The following SLC22A8 variants were observed in gnomAD, a reference collection of about 807,000 sequenced individuals.
The protein encoded by SLC22A8 is solute carrier family 22 member 8.
A neutral mutation model predicts 48.4 loss-of-function variants in SLC22A8; 40 were observed. The ratio of observed to expected loss-of-function variants is 0.83; its 90% CI spans 0.64 to 1.08. The LOEUF (loss-of-function observed/expected upper bound fraction) is 1.08, where lower values mean the gene tolerates loss of function less well. SLC22A8 is among the 50% of genes least tolerant of loss of function. SLC22A8 has a pLI of 0.00. For missense variants in SLC22A8, 606 were observed against 699.0 expected, an observed-to-expected ratio of 0.87 and a Z score of 1.50; for synonymous variants, 268 against 286.3, an observed-to-expected ratio of 0.94 and a Z score of 0.65.
chr11:63,007,299 G>T (rs1366161729), intron 2 of SLC22A8, among the ~76,000 whole-genome samples: 1 of 152,036 alleles, frequency 6.6e-6, no homozygotes. Context: ...TCAACTTTTG[G>T]CAATTCCACA....
chr11:63,000,684 G>C, intron 3 of SLC22A8, 36 bp downstream of exon 3: 1 of 1,455,028 alleles, frequency 6.9e-7, no homozygotes, highest in Non-Finnish European at 9.7e-7. Flanking sequence ...TGTCCCCATG[G>C]GTCATGCTTC....
intron 2 of SLC22A8, 152 bp from the exon 3 acceptor site, chr11:63,000,975 C>G: frequency 1.6e-6 from 1 of 627,282 alleles, no homozygotes; most frequent in Non-Finnish European, 2.9e-6. Flanking sequence ...CAGCCCGGCT[C>G]GGAGCTCCTT....
chr11:62,998,203 T>C (rs2086446428), intron 5 of SLC22A8, among the ~76,000 whole-genome samples: 1 of 152,078 alleles, frequency 6.6e-6, no homozygotes, highest in Non-Finnish European at 1.5e-5. Flanking sequence ...CTCCCTGCCT[T>C]GGCCTCCCAA....
rs1413820265 is a variant in SLC22A8, at chr11:62,993,325, G to A, written c.1541C>T (p.Ala514Val). 7 of 1,613,834 alleles carry A rather than the reference G, an allele frequency of 4.3e-6. No individual in the cohort carries two copies. Among genetic ancestry groups the A allele is most frequent in the African/African-American group, 1.3e-5 (1 of 74,910 alleles). Residue 514 changes from alanine (A) to valine (V), a missense_variant, in exon 11 of 11, where the codon GCA becomes GTA. By Grantham distance (64) the Ala-to-Val change is moderately conservative (BLOSUM62 0). Transcript: ENST00000336232. ...IEDLENWSLR[A>V]KKPKQEPEVE... ...CTCTGGCTCCTGCTTTGGCTTCTTTGCCCGCAGGGACCTAGGGACAGAGAG... is the reference window on the plus strand; with the variant it reads ...CTCTGGCTCCTGCTTTGGCTTCTTTACCCGCAGGGACCTAGGGACAGAGAG...
chr11:63,011,510 G>A lies in SLC22A8; in HGVS notation c.333+3116C>T, dbSNP rs1216719415. Among the ~76,000 whole-genome samples the A allele has an allele frequency of 2.0e-5, 3 of 152,220 alleles. No individual in the cohort carries two copies. The East Asian group carries it at 5.8e-4, about 29-fold the overall frequency. ...GTCTCAGGTGCACGGCAAGTCACCT[G>A]TACATTTGGAAACTTACTTATGGCT... On this transcript the variant is annotated intron_variant, in intron 2 of 10. Transcript: ENST00000336232.
chr11:63,015,617 G>A (rs1307033880), intron 1 of SLC22A8, 112 bp downstream of exon 1: 1 of 152,366 alleles, frequency 6.6e-6, no homozygotes, highest in African/African-American at 2.4e-5. Context: ...AGAGCCCGAA[G>A]CAGGTCTCAG....
rs750930001 is a variant in SLC22A8, at chr11:63,014,972, G to C, written c.-14C>G. On this transcript the variant is annotated 5_prime_UTR_variant, in exon 2 of 11. Coordinates refer to ENST00000336232, the MANE Select transcript of SLC22A8 (RefSeq NM_004254.4). ...CGAGAAGGTCATGGCACTGGGGCAAGACGAGCCAGAGCTGTGGGCAGGGCA... is the reference window on the plus strand; with the variant it reads ...CGAGAAGGTCATGGCACTGGGGCAACACGAGCCAGAGCTGTGGGCAGGGCA... 2 of 1,535,130 alleles carry C rather than the reference G, an allele frequency of 1.3e-6. No homozygotes were observed. The highest frequency in any genetic ancestry group is 2.0e-5 in the Admixed American group (1 of 51,054).
chr11:62,999,680 C>T lies in SLC22A8; in HGVS notation c.592+8G>A, dbSNP rs777065610. On this transcript the variant is annotated splice_region_variant and intron_variant, in intron 4 of 10. Transcript: ENST00000336232. ...CAAAGCCCAGCTCCATGCCCCACTG[C>T]AGCTCACTCAAGATGACGGTGCTCA... is the stretch of plus-strand genomic sequence containing the variant. 8 of 1,542,150 alleles carry T rather than the reference C, an allele frequency of 5.2e-6. No homozygotes were observed. The African/African-American group carries it at 1.1e-4, about 21-fold the overall frequency.
At chr11:63,006,055 A>C (rs561335831) in intron 2 of SLC22A8, among the ~76,000 whole-genome samples, 6 of 152,260 alleles carry the variant, frequency 3.9e-5, no homozygotes, top group African/African-American at 1.4e-4. Flanking sequence ...AATTTCTGGG[A>C]GAGAGGAAGG....
chr11:62,999,317 A>C (rs1590692227), intron 4 of SLC22A8: 1 of 527,376 alleles, frequency 1.9e-6, no homozygotes, highest in East Asian at 2.9e-5. Flanking sequence ...ACTCAAACCT[A>C]GGTGTGTCTG....
At chr11:62,994,032 C>A (rs1189765606) in intron 8 of SLC22A8, 154 bp from the exon 9 acceptor site, 13 of 624,528 alleles carry the variant, frequency 2.1e-5, no homozygotes, top group Middle Eastern at 4.3e-4. Flanking sequence ...CTGTGTCCTG[C>A]TATGTTTGTG....
intron 3 of SLC22A8, among the ~76,000 whole-genome samples, chr11:63,000,061 C>T (rs998718329): frequency 6.6e-6 from 1 of 152,232 alleles, no homozygotes; most frequent in Non-Finnish European, 1.5e-5. Flanking sequence ...TCTACATCCG[C>T]CTCAGCTTAG....
At chr11:62,998,108 T>C (rs1243413884) in intron 5 of SLC22A8, among the ~76,000 whole-genome samples, 1 of 152,142 alleles carries the variant, frequency 6.6e-6, no homozygotes, top group African/African-American at 2.4e-5. Context: ...TGCGCCACCA[T>C]GCACGGCTAA....
intron 1 of SLC22A8, 23 bp downstream of exon 1, chr11:63,015,706 G>A (rs1223684635): frequency 2.0e-5 from 3 of 153,334 alleles, no homozygotes; most frequent in African/African-American, 7.2e-5. Flanking sequence ...CCTGGGCTGG[G>A]GAGGCCCTCC....
rs2086364474 is a variant in SLC22A8, at chr11:62,993,253, C to A, written c.1613G>T (p.Gly538Val). The A allele has an allele frequency of 1.2e-6, 2 of 1,612,370 alleles. No individual in the cohort carries two copies. The highest frequency in any genetic ancestry group is 1.7e-5 in the Admixed American group (1 of 59,956). The part of the protein sequence containing the change: ...QRIPLQPHGP[G>V]LGSS The stretch of plus-strand genomic sequence containing the variant: ...CCGTTGTCCTCAGCTGGAGCCCAGG[C>A]CTGGTCCGTGAGGCTGTAGAGGGAT... Residue 538 changes from glycine (G) to valine (V), a missense_variant, in exon 11 of 11, where the codon GGC becomes GTC. Gly to Val is a moderately radical substitution (Grantham distance 109, BLOSUM62 -3). Coordinates refer to ENST00000336232, the MANE Select transcript of SLC22A8 (RefSeq NM_004254.4).
At position 62,994,613 on chromosome 11, in the gene SLC22A8, C is replaced by T. The variant is rs747886889; in HGVS notation, c.1145G>A (p.Arg382Gln). 14 of 1,613,934 alleles carry T rather than the reference C, an allele frequency of 8.7e-6. No individual in the cohort carries two copies. Among genetic ancestry groups the T allele is most frequent in the South Asian group, 3.3e-5 (3 of 91,030 alleles). Residue 382 changes from arginine to glutamine, a missense_variant, in exon 8 of 11, where the codon CGG becomes CAG. Physicochemically the swap from Arg to Gln is conservative, Grantham distance 43. Transcript: ENST00000336232. Reference sequence around the variant, plus strand: ...CAGGGCAGCGGCCTGAGTGGTATGCCGGCCCAGGTAGCTTAAGGAGAGGAT... The same window carrying T: ...CAGGGCAGCGGCCTGAGTGGTATGCTGGCCCAGGTAGCTTAAGGAGAGGAT... ...ITILSLSYLG[R>Q]HTTQAAALLL...
At position 62,995,490 on chromosome 11, in the gene SLC22A8, AC is replaced by A. The variant is rs1339686463; in HGVS notation, c.1001+213del. 4.0e-5 allele frequency: 23 copies of A among 573,576 alleles called. 3 individuals are homozygous for A. The South Asian group carries it at 5.0e-4, about 12-fold the overall frequency. The allele number at this position is 573,576 out of a possible 1,614,324, so 35.5% of individuals were successfully genotyped here. ...TGTGGGTGAGGGGTGGGGCATTGTG[AC>A]CCCAGAGGGAAGCAGACCCTGATGG... On this transcript the variant is annotated intron_variant, in intron 7 of 10. Transcript: ENST00000336232.
chr11:63,002,625 T>TATATATATGGTA (rs2086509690), intron 2 of SLC22A8, among the ~76,000 whole-genome samples: 1 of 152,080 alleles, frequency 6.6e-6, no homozygotes, highest in Non-Finnish European at 1.5e-5. Flanking sequence ...ATAAATGAGA[T>TATATATATGGTA]CATGCTGATA....
intron 2 of SLC22A8, among the ~76,000 whole-genome samples, chr11:63,001,259 C>T (rs1415757238): frequency 6.6e-6 from 1 of 152,224 alleles, no homozygotes; most frequent in Non-Finnish European, 1.5e-5. Context: ...TCCAGTCTCT[C>T]TCTCTCTCTG....
Sources: gnomAD v4.1 joint callset for allele counts (sites outside exome capture counted in the v4.1 genomes callset) on GRCh38, gnomAD v4.1.1 for gene constraint, MANE v1.5 for transcripts, NCBI Gene and HGNC (gene_info 2026-07-23, HGNC 2026-07-21) for gene names.